Variants in SLC1A6 observed in about 807,000 individuals in gnomAD.
SLC1A6 encodes solute carrier family 1 member 6.
In SLC1A6, 15 loss-of-function variants were observed where a neutral mutation model predicts 42.1. That is an observed-to-expected ratio of 0.36 (90% confidence interval 0.24 to 0.55). SLC1A6 has a LOEUF of 0.55. Among genes scored for constraint, SLC1A6 ranks in the 20% least tolerant of loss-of-function variants. The pLI is 0.88. For missense variants in SLC1A6, 542 were observed against 772.5 expected (o/e 0.70, Z 3.54); for synonymous variants, 317 against 319.7 (o/e 0.99, Z 0.09).
intron 1 of SLC1A6, among the ~76,000 whole-genome samples, chr19:14,975,588 CT>C (rs1568294416): frequency 6.6e-6 from 1 of 151,874 alleles, no homozygotes. Context: ...AACCCCATCT[CT>C]ATGAAAAATA....
chr19:14,962,405 A>G (rs111438659), intron 5 of SLC1A6, 60 bp from the exon 6 acceptor site: 50 of 1,301,240 alleles, frequency 3.8e-5, no homozygotes, highest in Non-Finnish European at 5.2e-5. Flanking sequence ...AATCGCCTGG[A>G]GAAATTCCTT....
intron 1 of SLC1A6, among the ~76,000 whole-genome samples, chr19:14,998,855 C>CATTTACTT: frequency 7.8e-6 from 1 of 128,220 alleles, no homozygotes; most frequent in Admixed American, 7.7e-5. Context: ...TGATAAGAAA[C>CATTTACTT]ATTTATTTAT....
At chr19:14,973,167 G>A in intron 1 of SLC1A6, 1 of 505,852 alleles carries the variant, frequency 2.0e-6, no homozygotes, top group Non-Finnish European at 3.5e-6. Flanking sequence ...TTGGGAGGCT[G>A]AGGCAGGAGG....
At chr19:15,000,477 T>C (rs560728110) in intron 1 of SLC1A6, among the ~76,000 whole-genome samples, 14 of 152,338 alleles carry the variant, frequency 9.2e-5, no homozygotes, top group African/African-American at 3.4e-4. Context: ...TTTGTCTTTG[T>C]GCCTGGGTTA....
chr19:14,969,917 A>G (rs1362027419), intron 3 of SLC1A6, among the ~76,000 whole-genome samples: 1 of 152,166 alleles, frequency 6.6e-6, no homozygotes, highest in South Asian at 2.1e-4. Flanking sequence ...CTGCTCGAGT[A>G]CACTTATGCA....
chr19:14,967,912 C>T (rs62113278), intron 4 of SLC1A6, among the ~76,000 whole-genome samples: 58,397 of 151,978 alleles, frequency 0.38, 11,603 homozygotes, highest in East Asian at 0.6. Context: ...AGAGGCTGTG[C>T]ATTTGGGTAC....
intron 1 of SLC1A6, among the ~76,000 whole-genome samples, chr19:15,007,405 C>A (rs182459720): frequency 6.6e-6 from 1 of 152,036 alleles, no homozygotes; most frequent in Non-Finnish European, 1.5e-5. Flanking sequence ...TGAGAGTGAG[C>A]GCTCGTGGGG....
chr19:14,950,960 A>G (rs112510248), intron 9 of SLC1A6, among the ~76,000 whole-genome samples: 6,201 of 150,814 alleles, frequency 0.041, 272 homozygotes, highest in African/African-American at 0.098. Flanking sequence ...AAAAAAGAAA[A>G]TGAGGCAGGG....
At chr19:14,968,171 G>T in intron 4 of SLC1A6, 132 bp downstream of exon 4, 1 of 708,862 alleles carries the variant, frequency 1.4e-6, no homozygotes, top group Non-Finnish European at 2.3e-6. Context: ...CCTTAGAAGT[G>T]CCCGTCTCTG....
rs2045601414 is a variant in SLC1A6 at position 14,968,590 on chromosome 19, T to G, written c.344-83A>C. On this transcript the variant is annotated intron_variant, in intron 3 of 9. Transcript: ENST00000594383. ...TAGCATCCGTTCCACCCTCCCCATATCACCAACTCAACAGCCGACCCACCA... is the reference window on the plus strand; with the variant it reads ...TAGCATCCGTTCCACCCTCCCCATAGCACCAACTCAACAGCCGACCCACCA... 12 of 1,213,150 alleles carry G rather than the reference T, an allele frequency of 9.9e-6. No individual in the cohort carries two copies. In the South Asian group the frequency reaches 1.8e-4, roughly 18 times the overall value. The allele number at this position is 1,213,150 out of a possible 1,614,324, so 75.1% of individuals were successfully genotyped here. A position where few individuals can be genotyped will look rare whatever the true frequency, so the allele number is the denominator to read the frequency against.
intron 8 of SLC1A6, among the ~76,000 whole-genome samples, chr19:14,953,273 G>A (rs1330762817): frequency 2.2e-4 from 10 of 44,452 alleles, no homozygotes; most frequent in African/African-American, 7.1e-4. Context: ...TCCCCTCCTC[G>A]CCTCACCTTG....
chr19:15,003,369 G>T (rs2045881165), intron 1 of SLC1A6, among the ~76,000 whole-genome samples: 1 of 152,194 alleles, frequency 6.6e-6, no homozygotes. Context: ...GCCTTTGCAG[G>T]AGATGACAGG....
At chr19:14,954,444 T>G in intron 7 of SLC1A6, 115 bp from the exon 8 acceptor site, 1 of 932,584 alleles carries the variant, frequency 1.1e-6, no homozygotes, top group Non-Finnish European at 1.7e-6. Context: ...GAAGAAAGGC[T>G]GGGGAACAGG....
At chr19:15,010,453 G>A (rs1351620429) in intron 1 of SLC1A6, 1 of 492,090 alleles carries the variant, frequency 2.0e-6, no homozygotes, top group Non-Finnish European at 4.0e-6. Flanking sequence ...AGGAATGCCT[G>A]GTGAGAAGCC....
intron 6 of SLC1A6, chr19:14,961,681 A>T (rs2045512829): frequency 3.4e-6 from 1 of 292,692 alleles, no homozygotes; most frequent in Non-Finnish European, 6.4e-6. Flanking sequence ...TCATCAATGC[A>T]TAGAAGAATG....
intron 1 of SLC1A6, among the ~76,000 whole-genome samples, chr19:14,989,863 G>A (rs1013352552): frequency 4.0e-5 from 6 of 151,628 alleles, no homozygotes; most frequent in African/African-American, 4.8e-5. Flanking sequence ...GTGGTGGTGC[G>A]CACCTGTAAT....
chr19:15,007,018 G>A (rs1383852972), intron 1 of SLC1A6, among the ~76,000 whole-genome samples: 1 of 152,076 alleles, frequency 6.6e-6, no homozygotes, highest in African/African-American at 2.4e-5. Context: ...CCTCTAATAA[G>A]TACGTATTGA....
At chr19:15,004,855 T>C (rs1219234161) in intron 1 of SLC1A6, among the ~76,000 whole-genome samples, 1 of 152,234 alleles carries the variant, frequency 6.6e-6, no homozygotes, top group Non-Finnish European at 1.5e-5. Context: ...TCCTCGGTCT[T>C]GTGTACATAA....
intron 9 of SLC1A6, among the ~76,000 whole-genome samples, chr19:14,952,082 A>G (rs12981490): frequency 0.72 from 109,646 of 151,294 alleles, 40,190 homozygotes; most frequent in African/African-American, 0.84. Flanking sequence ...AAAGTGCTGG[A>G]ATTACAGGCA....
Sources: gnomAD v4.1 joint callset for allele counts (sites outside exome capture counted in the v4.1 genomes callset) on GRCh38, gnomAD v4.1.1 for gene constraint, MANE v1.5 for transcripts, NCBI Gene and HGNC (gene_info 2026-07-23, HGNC 2026-07-21) for gene names.